The following AOPEP variants were observed in gnomAD, a reference collection of about 807,000 sequenced individuals.
AOPEP encodes the protein aminopeptidase O (putative), also known as aminopeptidase O.
Under a neutral mutation model 98.1 loss-of-function variants are expected in AOPEP, and 77 were observed. That is an observed-to-expected ratio of 0.78 (90% CI 0.65 to 0.95). The LOEUF (loss-of-function observed/expected upper bound fraction) is 0.95, where lower values mean the gene tolerates loss of function less well. AOPEP is among the 40% of genes least tolerant of loss of function. The pLI is 0.00. For synonymous variants in AOPEP, 346 were observed against 365.3 expected (o/e 0.95, Z 0.60); for missense variants, 1,024 against 1,024.7 (o/e 1.00, Z 0.01).
intron 5 of AOPEP, among the ~76,000 whole-genome samples, chr9:94,893,270 T>C (rs1431281666): frequency 6.6e-6 from 1 of 152,094 alleles, no homozygotes; most frequent in Admixed American, 6.5e-5. Flanking sequence ...CATAAGACAC[T>C]CAAGTTGCTT....
intron 14 of AOPEP, 117 bp from the exon 15 acceptor site, chr9:95,080,577 A>G (rs760945119): frequency 1.9e-5 from 13 of 693,944 alleles, no homozygotes; most frequent in East Asian, 5.0e-5. Context: ...TGTGTCAACA[A>G]TGCCAGCCCA....
At chr9:95,097,006 G>A in the AOPEP span, among the ~76,000 whole-genome samples, 2 of 152,222 alleles carry the variant, frequency 1.3e-5, no homozygotes, top group Non-Finnish European at 2.9e-5. Context: ...GTCACCACTG[G>A]TGGAAGGGGT....
intron 13 of AOPEP, among the ~76,000 whole-genome samples, chr9:95,048,213 A>G (rs2066009177): frequency 6.6e-6 from 1 of 151,712 alleles, no homozygotes; most frequent in African/African-American, 2.4e-5. Context: ...CATGTATGCT[A>G]TAGTTTTAAA....
intron 16 of AOPEP, among the ~76,000 whole-genome samples, chr9:95,083,197 C>G (rs1368948179): frequency 1.3e-5 from 2 of 152,158 alleles, no homozygotes; most frequent in Non-Finnish European, 2.9e-5. Context: ...ATTGGAGGTT[C>G]CTTGGGCTGT....
At chr9:95,023,439 C>T (rs1564537157) in intron 13 of AOPEP, among the ~76,000 whole-genome samples, 2 of 152,200 alleles carry the variant, frequency 1.3e-5, no homozygotes, top group Non-Finnish European at 2.9e-5. Flanking sequence ...CCCAGGCAGA[C>T]CCAGGAAGCT....
Position 94,760,432 on chromosome 9 carries a change from GA to G in AOPEP, c.651del (p.Glu217AspfsTer13). On this transcript the variant is annotated frameshift_variant, in exon 2 of 17. Transcript: ENST00000375315. LOFTEE classifies it high-confidence loss of function. ...ARCSQAPGCG[E>X]LLFDTDTWSL... ...CTGCAGCCAGGCTCCTGGCTGTGGG[GA>G]ACTCCTCTTTGACACTGACACTTGG... 1 of 1,613,910 alleles carries G rather than the reference GA, an allele frequency of 6.2e-7. No individual in the cohort carries two copies.
At chr9:94,912,535 GA>G (rs2052207761) in intron 5 of AOPEP, among the ~76,000 whole-genome samples, 4 of 152,176 alleles carry the variant, frequency 2.6e-5, no homozygotes, top group Admixed American at 2.6e-4. Flanking sequence ...CTATTTATGA[GA>G]AAGAGGGCTA....
intron 14 of AOPEP, among the ~76,000 whole-genome samples, chr9:95,077,610 T>C (rs1009600102): frequency 1.8e-4 from 27 of 152,188 alleles, no homozygotes; most frequent in African/African-American, 6.5e-4. Context: ...TGGCATGCTG[T>C]GGAACTCTGT....
intron 10 of AOPEP, 96 bp from the exon 11 acceptor site, chr9:94,979,271 C>T (rs1029283793): frequency 7.1e-5 from 54 of 764,604 alleles, no homozygotes; most frequent in African/African-American, 3.6e-4. Context: ...TCTGGAAGAT[C>T]GATGCTGTGA....
chr9:94,901,127 T>TCAA (rs150432598), intron 5 of AOPEP, among the ~76,000 whole-genome samples: 5,139 of 152,176 alleles, frequency 0.034, 292 homozygotes, highest in African/African-American at 0.12. Context: ...GGAGACATTA[T>TCAA]CAAAACAATT....
At chr9:95,094,598 T>C in the AOPEP span, among the ~76,000 whole-genome samples, 4 of 152,258 alleles carry the variant, frequency 2.6e-5, no homozygotes, top group Non-Finnish European at 4.4e-5. Context: ...CTTTTATGTC[T>C]GGCTGATTTC....
chr9:94,790,890 A>G (rs906584934), intron 3 of AOPEP, among the ~76,000 whole-genome samples: 5 of 151,928 alleles, frequency 3.3e-5, no homozygotes, highest in Admixed American at 2.0e-4. Flanking sequence ...CAATTTGGTC[A>G]GTGATTGGAT....
chr9:94,954,529 A>G (rs2058326088), intron 7 of AOPEP, among the ~76,000 whole-genome samples: 1 of 152,164 alleles, frequency 6.6e-6, no homozygotes, highest in Admixed American at 6.5e-5. Context: ...GCTGCATTCA[A>G]AGTCATCTTG....
chr9:95,127,691 AAC>A, the AOPEP span, among the ~76,000 whole-genome samples: 1 of 152,204 alleles, frequency 6.6e-6, no homozygotes, highest in African/African-American at 2.4e-5. Flanking sequence ...AGCTTTGGGA[AAC>A]ACTGTTCACA....
At chr9:94,782,916 A>G (rs1303901202) in intron 3 of AOPEP, among the ~76,000 whole-genome samples, 1 of 152,238 alleles carries the variant, frequency 6.6e-6, no homozygotes, top group Non-Finnish European at 1.5e-5. Context: ...TGTGAAAGTC[A>G]TCATGGTTTC....
At chr9:95,026,077 A>C (rs1403398273) in intron 13 of AOPEP, among the ~76,000 whole-genome samples, 1 of 152,264 alleles carries the variant, frequency 6.6e-6, no homozygotes, top group Admixed American at 6.5e-5. Context: ...TCATAATGCT[A>C]ATGGACTGAT....
chr9:94,781,123 G>A (rs1843147293), intron 3 of AOPEP, among the ~76,000 whole-genome samples: 1 of 151,818 alleles, frequency 6.6e-6, no homozygotes, highest in African/African-American at 2.4e-5. Context: ...CTAAGACAAG[G>A]CCATAGATTT....
chr9:95,111,280 A>G, the AOPEP span: 2 of 1,560,856 alleles, frequency 1.3e-6, no homozygotes, highest in South Asian at 1.2e-5. Flanking sequence ...CGGTGGGGAC[A>G]GGAGAACGCC....
intron 13 of AOPEP, among the ~76,000 whole-genome samples, chr9:95,058,009 C>G (rs1358511267): frequency 6.6e-6 from 1 of 152,162 alleles, no homozygotes; most frequent in Non-Finnish European, 1.5e-5. Flanking sequence ...GGTCTTAAGT[C>G]AGGGAGTTTA....
Sources: allele counts gnomAD v4.1 joint callset (sites outside exome capture counted in the v4.1 genomes callset), GRCh38; gene constraint gnomAD v4.1.1; transcripts MANE v1.5; gene names NCBI Gene and HGNC (gene_info 2026-07-23, HGNC 2026-07-21).